The following ANKRD18A variants were observed in gnomAD, a reference collection of about 807,000 sequenced individuals.
ANKRD18A encodes ankyrin repeat domain-containing protein 18A.
A neutral mutation model predicts 110.6 loss-of-function variants in ANKRD18A; 72 were observed. The ratio of observed to expected loss-of-function variants is 0.65; its 90% CI spans 0.54 to 0.79. ANKRD18A has a LOEUF of 0.79. Ranked by LOEUF, ANKRD18A falls within the 30% of genes least tolerant of loss-of-function variation. The probability of loss-of-function intolerance (pLI) is 0.00; values close to 1 mark genes in which losing one functional copy is unlikely to be tolerated. For synonymous variants in ANKRD18A, 305 were observed against 410.3 expected (o/e 0.74, Z 3.10); for missense variants, 934 against 1,163.3 (o/e 0.80, Z 2.87).
At chr9:38,582,742 A>G (rs1824215911) in intron 12 of ANKRD18A, among the ~76,000 whole-genome samples, 1 of 152,238 alleles carries the variant, frequency 6.6e-6, no homozygotes. Flanking sequence ...TCTCAGAAGA[A>G]AACATTGGCA....
chr9:38,610,116 TTC>T (rs1301651023), intron 5 of ANKRD18A, among the ~76,000 whole-genome samples, 155 bp downstream of exon 5: 2 of 152,200 alleles, frequency 1.3e-5, no homozygotes, highest in African/African-American at 4.8e-5. Flanking sequence ...TAGTCTAGCT[TTC>T]TGTGTGATTT....
At chr9:38,610,133 C>T in intron 5 of ANKRD18A, 140 bp downstream of exon 5, 1 of 1,175,774 alleles carries the variant, frequency 8.5e-7, no homozygotes, top group Non-Finnish European at 1.1e-6. Flanking sequence ...TGATTTCTGG[C>T]TAAAAAGTGG....
intron 8 of ANKRD18A, 85 bp from the exon 9 acceptor site, chr9:38,596,488 C>T (rs1824888297): frequency 3.4e-6 from 4 of 1,186,564 alleles, no homozygotes; most frequent in Admixed American, 3.6e-5. Flanking sequence ...GCAATCTATA[C>T]ATTCATGCAA....
Position 38,603,183 on chromosome 9 carries a change from T to C in ANKRD18A, c.838A>G (p.Lys280Glu). The change falls in exon 7 of 16, where the codon AAA becomes GAA. Residue 280 changes from lysine to glutamate, a missense_variant. This residue lies in a region of ANKRD18A where 630 missense variants were observed against 797.5 expected (regional missense o/e 0.79). Coordinates refer to ENST00000399703, the MANE Select transcript of ANKRD18A (RefSeq NM_147195.4). ...ETAAMKPANLKKRKERAKAEH... is the reference protein window; with the variant it reads ...ETAAMKPANLEKRKERAKAEH... ...CCTTTTGCACGTTCTTTTCTTTTTT[T>C]CAAATTTGCAGGCTTCATAGCTGCT... 12 of 1,551,184 alleles carry C rather than the reference T, an allele frequency of 7.7e-6. No homozygotes were observed. Among genetic ancestry groups the C allele is most frequent in the Non-Finnish European group, 1.0e-5 (12 of 1,146,646 alleles).
At position 38,596,334 on chromosome 9, in the gene ANKRD18A, T is replaced by C. The variant is rs747306829; in HGVS notation, c.1006A>G (p.Met336Val). The change falls in exon 9 of 16, where the codon ATG becomes GTG. Residue 336 changes from methionine to valine, a missense_variant. Physicochemically the swap from Met to Val is conservative, Grantham distance 21 (BLOSUM62 1). This residue lies in a region of ANKRD18A where 630 missense variants were observed against 797.5 expected (regional missense o/e 0.79). Transcript: ENST00000399703. ...GNFMLKKDIA[M>V]LKEELYAIKN... ...ATTGCATATAATTCCTCTTTGAGCATGGCAATGTCTTTCTTCAACATAAAA... is the reference window on the plus strand; with the variant it reads ...ATTGCATATAATTCCTCTTTGAGCACGGCAATGTCTTTCTTCAACATAAAA... 2.0e-6 allele frequency: 3 copies of C among 1,499,546 alleles called. No individual in the cohort carries two copies. Among genetic ancestry groups the C allele is most frequent in the African/African-American group, 2.8e-5 (2 of 70,482 alleles). The allele number at this position is 1,499,546 out of a possible 1,614,324, so 92.9% of individuals were successfully genotyped here.
chr9:38,571,996 T>C lies in ANKRD18A; in HGVS notation c.*49A>G, dbSNP rs567562545. ...TTTTATGGTTAATCTCTTCATTAGA[T>C]GTGGCTTACCAGTGGATTCTACAAA... On this transcript the variant is annotated 3_prime_UTR_variant, in exon 16 of 16. Coordinates refer to ENST00000399703, the MANE Select transcript of ANKRD18A (RefSeq NM_147195.4). 3.2e-6 allele frequency: 5 copies of C among 1,573,654 alleles called. No homozygotes were observed. The East Asian group carries it at 1.2e-4, about 37-fold the overall frequency.
intron 3 of ANKRD18A, among the ~76,000 whole-genome samples, chr9:38,615,372 A>T (rs1462522134): frequency 6.6e-6 from 1 of 151,988 alleles, no homozygotes; most frequent in East Asian, 1.9e-4. Flanking sequence ...GAAAAGAAGA[A>T]GTTTTACCTT....
downstream of ANKRD18A, chr9:38,571,064 G>A: frequency 1.4e-6 from 2 of 1,444,436 alleles, no homozygotes; most frequent in Non-Finnish European, 1.8e-6. Flanking sequence ...GCTGAGCCAG[G>A]GACCACATGA....
intron 12 of ANKRD18A, among the ~76,000 whole-genome samples, chr9:38,584,778 T>C (rs1393611429): frequency 6.6e-6 from 1 of 152,192 alleles, no homozygotes; most frequent in Non-Finnish European, 1.5e-5. Context: ...CTTAAAGCAC[T>C]GAGAGATTTA....
Position 38,575,838 on chromosome 9 carries a change from G to A in ANKRD18A, c.2742-140C>T, listed in dbSNP as rs557417710. On this transcript the variant is annotated intron_variant, in intron 14 of 15. Coordinates refer to ENST00000399703, the MANE Select transcript of ANKRD18A (RefSeq NM_147195.4). The stretch of plus-strand genomic sequence containing the variant: ...GTGCTTTCACACAAAGATGTGTGAG[G>A]GCATACCTCTTGTAAGTAACGGTAA... The A allele has an allele frequency of 9.6e-5, 72 of 747,216 alleles. 1 individual carries two copies. The highest frequency in any genetic ancestry group is 5.2e-4 in the South Asian group (26 of 49,660). The allele number at this position is 747,216 out of a possible 1,614,324, so 46.3% of individuals were successfully genotyped here. A position where few individuals can be genotyped will look rare whatever the true frequency, so the allele number is the denominator to read the frequency against.
At chr9:38,589,836 C>T (rs1218697744) in intron 10 of ANKRD18A, among the ~76,000 whole-genome samples, 1 of 152,148 alleles carries the variant, frequency 6.6e-6, no homozygotes, top group Non-Finnish European at 1.5e-5. Context: ...CTGGCTGCTA[C>T]TCCTCTTTTT....
chr9:38,596,498 A>G (rs1824888716), intron 8 of ANKRD18A, 95 bp from the exon 9 acceptor site: 2 of 1,131,910 alleles, frequency 1.8e-6, no homozygotes, highest in Admixed American at 7.2e-5. Context: ...CATTCATGCA[A>G]TTAAAAGTTG....
rs1825611877 is a variant in ANKRD18A, at chr9:38,611,317, C to T, written c.500G>A (p.Gly167Glu). The T allele has an allele frequency of 6.6e-7, 1 of 1,517,174 alleles. No individual in the cohort carries two copies. The highest frequency in any genetic ancestry group is 2.5e-5 in the Admixed American group (1 of 40,078). The allele number at this position is 1,517,174 out of a possible 1,614,324, so 94.0% of individuals were successfully genotyped here. A position where few individuals can be genotyped will look rare whatever the true frequency, so the allele number is the denominator to read the frequency against. Reference sequence around the variant, plus strand: ...TATAGCAAACAAAAGTGGAGTGTTTCCCTCCTGTAAGAAAGCAAAAACAAT... The same window carrying T: ...TATAGCAAACAAAAGTGGAGTGTTTTCCTCCTGTAAGAAAGCAAAAACAAT... ...HANIEALNKE[G>E]NTPLLFAINS... Residue 167 changes from glycine (G) to glutamate (E), a missense_variant, in exon 4 of 16, where the codon GGA (glycine) becomes GAA (glutamate). This residue lies in a region of ANKRD18A where 630 missense variants were observed against 797.5 expected (regional missense o/e 0.79). Coordinates refer to ENST00000399703, the MANE Select transcript of ANKRD18A (RefSeq NM_147195.4).
chr9:38,595,620 T>G lies in ANKRD18A; in HGVS notation c.1720A>C (p.Ile574Leu), dbSNP rs191233617. Residue 574 changes from isoleucine (I) to leucine (L), a missense_variant, in exon 9 of 16, where the codon ATT (isoleucine) becomes CTT (leucine). By Grantham distance (5) the Ile-to-Leu change is conservative. This residue lies in a region of ANKRD18A where 630 missense variants were observed against 797.5 expected (regional missense o/e 0.79). Coordinates refer to ENST00000399703, the MANE Select transcript of ANKRD18A (RefSeq NM_147195.4). Reference sequence around the variant, plus strand: ...TCAAGACAGTCTCTGTGGATATTAATGACTATCTCTTTATTATCGCCTTCC... The same window carrying G: ...TCAAGACAGTCTCTGTGGATATTAAGGACTATCTCTTTATTATCGCCTTCC... ...RKEGDNKEIV[I>L]NIHRDCLENG... The G allele has an allele frequency of 1.0e-5, 16 of 1,551,030 alleles. No individual in the cohort carries two copies. The highest frequency in any genetic ancestry group is 1.3e-5 in the Non-Finnish European group (15 of 1,146,626).
intron 9 of ANKRD18A, among the ~76,000 whole-genome samples, chr9:38,594,849 A>G (rs1824803409): frequency 6.6e-6 from 1 of 152,172 alleles, no homozygotes; most frequent in Non-Finnish European, 1.5e-5. Flanking sequence ...AGGTACAAGC[A>G]TTTCCACTTA....
chr9:38,588,842 A>T (rs1824505911), intron 10 of ANKRD18A, among the ~76,000 whole-genome samples, 179 bp from the exon 11 acceptor site: 1 of 152,224 alleles, frequency 6.6e-6, no homozygotes, highest in Non-Finnish European at 1.5e-5. Flanking sequence ...AAAACAGCTA[A>T]AAAAGATTCA....
At position 38,595,823 on chromosome 9, in the gene ANKRD18A, C is replaced by T. The variant is rs540395361; in HGVS notation, c.1517G>A (p.Ser506Asn). The change falls in exon 9 of 16, where the codon AGT (serine) becomes AAT (asparagine). Residue 506 changes from serine to asparagine, a missense_variant. By Grantham distance (46) the Ser-to-Asn change is conservative (BLOSUM62 1). Transcript: ENST00000399703. ...ALREKTLALG[S>N]VQLDLRQAQH... ...TGCTTGCCTTAGGTCCAGCTGTACA[C>T]TTCCTAAAGCCAATGTCTTTTCCCT... 27 of 1,551,236 alleles carry T rather than the reference C, an allele frequency of 1.7e-5. No individual in the cohort carries two copies. The Admixed American group carries it at 2.0e-4, about 11-fold the overall frequency.
chr9:38,615,486 C>G, intron 3 of ANKRD18A, 108 bp downstream of exon 3: 3 of 1,387,996 alleles, frequency 2.2e-6, no homozygotes, highest in Non-Finnish European at 2.9e-6. Context: ...ACAATTATTT[C>G]AAGACATTTT....
At chr9:38,602,395 C>T (rs573042203) in intron 7 of ANKRD18A, among the ~76,000 whole-genome samples, 10 of 152,072 alleles carry the variant, frequency 6.6e-5, no homozygotes, top group South Asian at 4.2e-4. Context: ...TGCCAGGCAG[C>T]GGCAAGAGAG....
Sources: gnomAD v4.1 joint callset for allele counts (sites outside exome capture counted in the v4.1 genomes callset) on GRCh38, gnomAD v4.1.1 for gene constraint, gnomAD v4.1.1 regional missense constraint, MANE v1.5 for transcripts, NCBI Gene and HGNC (gene_info 2026-07-23, HGNC 2026-07-21) for gene names.